Variants in CAPZA2 observed in about 807,000 individuals in gnomAD.
CAPZA2 encodes the protein F-actin-capping protein subunit alpha-2.
In CAPZA2, 13 loss-of-function variants were observed where a neutral mutation model predicts 44.0. The ratio of observed to expected loss-of-function variants is 0.30; its 90% CI spans 0.19 to 0.47. The LOEUF (loss-of-function observed/expected upper bound fraction) is 0.47, where lower values mean the gene tolerates loss of function less well. CAPZA2 is among the 20% of genes least tolerant of loss of function. The probability of loss-of-function intolerance (pLI) is 1.00; values close to 1 mark genes in which losing one functional copy is unlikely to be tolerated. For synonymous variants in CAPZA2, 94 were observed against 108.2 expected (o/e 0.87, Z 0.81); for missense variants, 244 against 338.6 (o/e 0.72, Z 2.19).
Position 116,886,068 on chromosome 7 carries a change from T to C in CAPZA2, c.40-2059T>C. The stretch of plus-strand genomic sequence containing the variant: ...AAGAAGTTTGAAGCAGAATCTATGA[T>C]TGATGTCAGATACCAGATAGATAAC... On this transcript the variant is annotated intron_variant, in intron 1 of 9. Coordinates refer to ENST00000361183, the MANE Select transcript of CAPZA2 (RefSeq NM_006136.3). 2 of 154,888 alleles carry C rather than the reference T, an allele frequency of 1.3e-5. 1 individual carries two copies. The highest frequency in any genetic ancestry group is 2.9e-5 in the Non-Finnish European group (2 of 68,212). The allele number at this position is 154,888 out of a possible 1,614,324, so 9.6% of individuals were successfully genotyped here. A position where few individuals can be genotyped will look rare whatever the true frequency, so the allele number is the denominator to read the frequency against.
In CAPZA2 at chr7:116,891,982, T is replaced by C. The variant is rs565410627; in HGVS notation, c.104-1012T>C. 4.6e-5 allele frequency among the ~76,000 whole-genome samples: 7 copies of C among 152,332 alleles called. No homozygotes were observed. In the South Asian group the frequency reaches 1.2e-3, roughly 27 times the overall value. ...CTTCACAAAAAATTCTACCTTCCAGTTCCCTGTTGTTCAAATGAATTACTT... is the reference window on the plus strand; with the variant it reads ...CTTCACAAAAAATTCTACCTTCCAGCTCCCTGTTGTTCAAATGAATTACTT... On this transcript the variant is annotated intron_variant, in intron 2 of 9. Coordinates refer to ENST00000361183, the MANE Select transcript of CAPZA2 (RefSeq NM_006136.3).
At chr7:116,869,543 A>G (rs1353373254) in intron 1 of CAPZA2, among the ~76,000 whole-genome samples, 1 of 152,240 alleles carries the variant, frequency 6.6e-6, no homozygotes, top group Admixed American at 6.5e-5. Flanking sequence ...GCATTGTACA[A>G]TCAATGGGTT....
chr7:116,905,239 G>C (rs1025567450), intron 5 of CAPZA2, among the ~76,000 whole-genome samples: 5 of 151,958 alleles, frequency 3.3e-5, no homozygotes, highest in African/African-American at 9.7e-5. Flanking sequence ...ACCCTGACAG[G>C]CTTTTTTAGC....
chr7:116,916,162 T>C, intron 9 of CAPZA2, 40 bp downstream of exon 9: 4 of 1,460,920 alleles, frequency 2.7e-6, no homozygotes, highest in Non-Finnish European at 3.6e-6. Flanking sequence ...CACTCACATA[T>C]GAATTAATGT....
intron 1 of CAPZA2, among the ~76,000 whole-genome samples, chr7:116,869,280 AAAG>A (rs1486006472): frequency 1.3e-5 from 2 of 152,226 alleles, no homozygotes; most frequent in African/African-American, 4.8e-5. Context: ...CTGTTTCAAA[AAAG>A]AATTTCATAA....
intron 1 of CAPZA2, among the ~76,000 whole-genome samples, chr7:116,869,891 A>G (rs1361611336): frequency 2.0e-5 from 3 of 151,992 alleles, no homozygotes; most frequent in Non-Finnish European, 4.4e-5. Flanking sequence ...TTTTTTTGAG[A>G]CGGAGTGTTA....
At chr7:116,880,544 C>T (rs1052484532) in intron 1 of CAPZA2, among the ~76,000 whole-genome samples, 54 of 150,502 alleles carry the variant, frequency 3.6e-4, no homozygotes, top group African/African-American at 1.3e-3. Flanking sequence ...ATTACAGGCA[C>T]CTGCCACCGT....
rs544936391 is a variant in CAPZA2 at position 116,893,064 on chromosome 7, A to C, written c.155+19A>C. ...CAGCCCAGTAAGTATTATTTATCAT[A>C]CTAACCTAACTAAAATGACATGGGA... On this transcript the variant is annotated intron_variant, in intron 3 of 9. Transcript: ENST00000361183. The C allele has an allele frequency of 1.4e-6, 2 of 1,479,994 alleles. No individual in the cohort carries two copies. The highest frequency in any genetic ancestry group is 1.9e-6 in the Non-Finnish European group (2 of 1,077,700). The allele number at this position is 1,479,994 out of a possible 1,614,324, so 91.7% of individuals were successfully genotyped here.
At chr7:116,873,449 A>C (rs545097355) in intron 1 of CAPZA2, 1 of 152,166 alleles carries the variant, frequency 6.6e-6, no homozygotes, top group South Asian at 2.1e-4. Context: ...TTAGTTTACC[A>C]TTTTTATAGC....
In CAPZA2 at chr7:116,869,861, G is replaced by GT. The variant is rs200288152; in HGVS notation, c.39+7219dup. 6.7e-3 allele frequency among the ~76,000 whole-genome samples: 1,017 copies of GT among 150,894 alleles called. 42 individuals carry two copies. The highest frequency in any genetic ancestry group is 0.06 in the Admixed American group (911 of 15,240). The stretch of plus-strand genomic sequence containing the variant: ...AGGAAATGGAATGAATTGCACACTT[G>GT]TTTTTTTTGTTTTGTTTTGTTTTTT... On this transcript the variant is annotated intron_variant, in intron 1 of 9. Transcript: ENST00000361183.
chr7:116,891,405 CTA>C (rs1387682770), intron 2 of CAPZA2, among the ~76,000 whole-genome samples: 2 of 152,162 alleles, frequency 1.3e-5, no homozygotes, highest in African/African-American at 2.4e-5. Context: ...ATAAATTTCT[CTA>C]TTTTTTAAAA....
At chr7:116,875,721 T>G (rs1350750039) in intron 1 of CAPZA2, 1 of 151,354 alleles carries the variant, frequency 6.6e-6, no homozygotes, top group Non-Finnish European at 1.5e-5. Flanking sequence ...TAATTTTTTT[T>G]TTTTTAAATT....
chr7:116,885,657 G>T (rs1172013691), intron 1 of CAPZA2, among the ~76,000 whole-genome samples: 2 of 151,976 alleles, frequency 1.3e-5, no homozygotes, highest in Non-Finnish European at 2.9e-5. Flanking sequence ...TTGCTAGAGT[G>T]GCCCACAGAA....
intron 1 of CAPZA2, among the ~76,000 whole-genome samples, chr7:116,887,618 G>A (rs537423749): frequency 6.6e-6 from 1 of 152,202 alleles, no homozygotes; most frequent in South Asian, 2.1e-4. Context: ...GATTATTTGA[G>A]GTCAGGAGTT....
intron 1 of CAPZA2, among the ~76,000 whole-genome samples, chr7:116,886,372 A>G (rs1158740703): frequency 1.3e-5 from 2 of 152,192 alleles, no homozygotes; most frequent in Non-Finnish European, 2.9e-5. Context: ...CTTGTCATAC[A>G]TGTGACCTCT....
In CAPZA2 at chr7:116,906,659, A is replaced by G. The variant is rs146267277; in HGVS notation, c.506+317A>G. On this transcript the variant is annotated intron_variant, in intron 6 of 9. Transcript: ENST00000361183. ...CTGTGAAGGGGCTGTTCCTGAATGA[A>G]ACTTATGTGCAGGAGAACAAAGATA... is the stretch of plus-strand genomic sequence containing the variant. The G allele has an allele frequency of 4.6e-3, 1,059 of 230,532 alleles. 13 individuals are homozygous for G. Among genetic ancestry groups the G allele is most frequent in the African/African-American group, 0.022 (958 of 44,086 alleles). The allele number at this position is 230,532 out of a possible 1,614,324, so 14.3% of individuals were successfully genotyped here.
At chr7:116,900,932 A>G (rs1467587756) in intron 4 of CAPZA2, among the ~76,000 whole-genome samples, 1 of 152,172 alleles carries the variant, frequency 6.6e-6, no homozygotes, top group Non-Finnish European at 1.5e-5. Flanking sequence ...ACTGATAATT[A>G]GAAAAATGCA....
intron 4 of CAPZA2, among the ~76,000 whole-genome samples, chr7:116,901,881 ATG>A (rs1554410805): frequency 0.019 from 2,712 of 140,772 alleles, 59 homozygotes; most frequent in African/African-American, 0.053. Context: ...TAACGAAGAA[ATG>A]TGTGTGTGTG....
At chr7:116,865,310 C>T (rs1274103498) in intron 1 of CAPZA2, among the ~76,000 whole-genome samples, 2 of 150,644 alleles carry the variant, frequency 1.3e-5, no homozygotes, top group African/African-American at 4.9e-5. Context: ...CTCAGCCTCC[C>T]GAGTAGCTGG....
Sources: gnomAD v4.1 joint callset for allele counts (sites outside exome capture counted in the v4.1 genomes callset) on GRCh38, gnomAD v4.1.1 for gene constraint, MANE v1.5 for transcripts, NCBI Gene and HGNC (gene_info 2026-07-23, HGNC 2026-07-21) for gene names.